Variants in HYCC2 observed in about 807,000 individuals in gnomAD.
HYCC2 encodes hyccin PI4KA lipid kinase complex subunit 2.
At chr2:200,987,329 G>T in the HYCC2 span, 1 of 1,279,298 alleles carries the variant, frequency 7.8e-7, no homozygotes. Flanking sequence ...TCCAGCAACT[G>T]CCTCACTGAC....
the HYCC2 span, among the ~76,000 whole-genome samples, chr2:201,002,235 A>C: frequency 6.7e-6 from 1 of 150,164 alleles, no homozygotes; most frequent in Non-Finnish European, 1.5e-5. Context: ...GGAATTTGAG[A>C]CCAGCCTGGG....
At chr2:201,017,457 ATT>A in the HYCC2 span, among the ~76,000 whole-genome samples, 5 of 152,296 alleles carry the variant, frequency 3.3e-5, no homozygotes, top group African/African-American at 1.2e-4. Context: ...CTACATTTAT[ATT>A]TGAGAAGAAT....
chr2:201,065,337 T>C, the HYCC2 span, among the ~76,000 whole-genome samples: 1 of 152,258 alleles, frequency 6.6e-6, no homozygotes, highest in Admixed American at 6.5e-5. Context: ...TATAGTCTAT[T>C]TAACCTGTTG....
chr2:200,993,413 T>A, the HYCC2 span, among the ~76,000 whole-genome samples: 1 of 152,220 alleles, frequency 6.6e-6, no homozygotes, highest in Non-Finnish European at 1.5e-5. Flanking sequence ...AATACTGTTG[T>A]CTGTGAGGCC....
the HYCC2 span, chr2:201,063,097 G>C: frequency 9.9e-6 from 16 of 1,609,496 alleles, no homozygotes; most frequent in Non-Finnish European, 1.4e-5. Context: ...TCATGTCTAA[G>C]TCAGAGTCTC....
the HYCC2 span, among the ~76,000 whole-genome samples, chr2:201,069,576 AC>A: frequency 6.3e-3 from 921 of 146,532 alleles, 12 homozygotes; most frequent in African/African-American, 0.023. Flanking sequence ...ACACACACAC[AC>A]ACACACACAC....
At chr2:200,974,355 G>C in the HYCC2 span, 8 of 152,050 alleles carry the variant, frequency 5.3e-5, no homozygotes, top group African/African-American at 1.2e-4. Flanking sequence ...AGAAATTATA[G>C]CTCAGGAGAC....
chr2:201,030,613 C>A, the HYCC2 span, among the ~76,000 whole-genome samples: 1 of 151,260 alleles, frequency 6.6e-6, no homozygotes, highest in African/African-American at 2.4e-5. Flanking sequence ...GAGTCTCACC[C>A]TATCGCCCAG....
At chr2:201,003,708 T>TAA in the HYCC2 span, among the ~76,000 whole-genome samples, 5 of 128,226 alleles carry the variant, frequency 3.9e-5, no homozygotes, top group Non-Finnish European at 3.3e-5. Context: ...GACTCCATCT[T>TAA]AAAAAAAAAA....
the HYCC2 span, among the ~76,000 whole-genome samples, chr2:201,049,205 G>A: frequency 6.6e-6 from 1 of 151,242 alleles, no homozygotes; most frequent in Non-Finnish European, 1.5e-5. Context: ...CATAATAATA[G>A]TTGGAGACCC....
chr2:201,023,275 G>A, the HYCC2 span, among the ~76,000 whole-genome samples: 1 of 152,032 alleles, frequency 6.6e-6, no homozygotes, highest in East Asian at 1.9e-4. Context: ...CTTGAACCTG[G>A]GAGGTGGAGG....
At chr2:201,048,506 ATT>A in the HYCC2 span, among the ~76,000 whole-genome samples, 8 of 141,746 alleles carry the variant, frequency 5.6e-5, no homozygotes, top group Non-Finnish European at 7.7e-5. Flanking sequence ...TTTTTTTGCA[ATT>A]TTTTTTTTTT....
At chr2:200,974,564 TAAAAAC>T in the HYCC2 span, 2 of 151,820 alleles carry the variant, frequency 1.3e-5, no homozygotes, top group Non-Finnish European at 2.9e-5. Context: ...TGATAAAACT[TAAAAAC>T]AAACAAACAA....
At chr2:200,977,366 T>C in the HYCC2 span, 1 of 152,164 alleles carries the variant, frequency 6.6e-6, no homozygotes, top group Non-Finnish European at 1.5e-5. Context: ...TTCTTGAGGA[T>C]GAAGGTTGGG....
the HYCC2 span, chr2:200,981,346 A>G: frequency 6.2e-7 from 1 of 1,614,138 alleles, no homozygotes; most frequent in East Asian, 2.2e-5. The surrounding 1 kb of genome is among the most constrained non-coding windows in gnomAD (Gnocchi z 4.5). Context: ...TGGGCTGAGG[A>G]GCTCTTTACC....
At chr2:201,061,037 A>T in the HYCC2 span, among the ~76,000 whole-genome samples, 1 of 152,108 alleles carries the variant, frequency 6.6e-6, no homozygotes, top group East Asian at 1.9e-4. Context: ...GCCAAATTAC[A>T]TGAAAATAAT....
the HYCC2 span, among the ~76,000 whole-genome samples, chr2:201,009,965 G>A: frequency 4.0e-5 from 6 of 151,858 alleles, no homozygotes; most frequent in South Asian, 2.1e-4. Context: ...TTAGCCGGGC[G>A]TGGTGGCATG....
chr2:201,033,865 A>G, the HYCC2 span, among the ~76,000 whole-genome samples: 1 of 152,072 alleles, frequency 6.6e-6, no homozygotes. Flanking sequence ...AAAAAGCAAC[A>G]CAAATCTTTT....
chr2:201,025,710 C>G, the HYCC2 span, among the ~76,000 whole-genome samples: 1 of 152,018 alleles, frequency 6.6e-6, no homozygotes, highest in Admixed American at 6.6e-5. Context: ...GTTTGGAGTA[C>G]AGGGCACAAT....
Sources: allele counts gnomAD v4.1 joint callset (sites outside exome capture counted in the v4.1 genomes callset), GRCh38; gene constraint gnomAD v4.1.1; non-coding constraint Gnocchi (gnomAD v3.1); transcripts MANE v1.5; gene names NCBI Gene and HGNC (gene_info 2026-07-23, HGNC 2026-07-21).